The following CHD9 variants were observed in gnomAD, a reference collection of about 807,000 sequenced individuals.
The protein encoded by CHD9 is chromodomain helicase DNA binding protein 9.
In CHD9, 77 loss-of-function variants were observed where a neutral mutation model predicts 316.1. The observed-to-expected ratio is 0.24, with a 90% CI of 0.20 to 0.29. The LOEUF is 0.29. CHD9 is among the 10% of genes least tolerant of loss of function. The pLI is 1.00. For synonymous variants in CHD9, 1,129 were observed against 1,158.3 expected, an observed-to-expected ratio of 0.97 and a Z score of 0.51; for missense variants, 2,763 against 3,438.1, an observed-to-expected ratio of 0.80 and a Z score of 4.91.
At chr16:53,196,783 G>A (rs1281133731) in intron 2 of CHD9, among the ~76,000 whole-genome samples, 1 of 152,172 alleles carries the variant, frequency 6.6e-6, no homozygotes, top group African/African-American at 2.4e-5. Flanking sequence ...TCTGTAAATT[G>A]TAGGGCAATT....
intron 1 of CHD9, among the ~76,000 whole-genome samples, chr16:53,150,304 G>T (rs1007911438): frequency 6.6e-6 from 1 of 151,230 alleles, no homozygotes; most frequent in Non-Finnish European, 1.5e-5. Flanking sequence ...TTATGTTGCG[G>T]ATTATAATTA....
intron 2 of CHD9, among the ~76,000 whole-genome samples, chr16:53,170,638 A>G (rs2042640840): frequency 6.6e-6 from 1 of 151,316 alleles, no homozygotes; most frequent in Non-Finnish European, 1.5e-5. Flanking sequence ...TTGTGGTTAT[A>G]TGAACAAATT....
chr16:53,101,276 T>TC (rs1178702421), intron 1 of CHD9, among the ~76,000 whole-genome samples: 28 of 148,254 alleles, frequency 1.9e-4, no homozygotes, highest in African/African-American at 5.2e-4. Flanking sequence ...TCCTTTTCTT[T>TC]TTTTTTTTTT....
At chr16:53,210,809 C>T (rs184860694) in intron 3 of CHD9, among the ~76,000 whole-genome samples, 6 of 151,854 alleles carry the variant, frequency 4.0e-5, no homozygotes, top group South Asian at 2.1e-4. Flanking sequence ...TAAATGTAAC[C>T]GCCAAATTAT....
At chr16:53,300,161 G>T (rs1174233281) in intron 30 of CHD9, among the ~76,000 whole-genome samples, 1 of 152,102 alleles carries the variant, frequency 6.6e-6, no homozygotes, top group Non-Finnish European at 1.5e-5. Flanking sequence ...AGACCAGCCT[G>T]GCCAACGTGG....
At position 53,206,371 on chromosome 16, in the gene CHD9, A is replaced by C. The variant is rs1034898980; in HGVS notation, c.1453-3111A>C. ...GAAAGGGCACCGGGAAAAAAAAAAA[A>C]AAACCATCCTAGCCTTATTATTTGG... On this transcript the variant is annotated intron_variant, in intron 2 of 38. Coordinates refer to ENST00000447540, the MANE Select transcript of CHD9 (RefSeq NM_001308319.2). 9.2e-5 allele frequency among the ~76,000 whole-genome samples: 13 copies of C among 140,762 alleles called. No individual in the cohort carries two copies. The South Asian group carries it at 1.3e-3, about 15-fold the overall frequency. The allele number at this position is 140,762 out of a possible 152,430, so 92.3% of individuals were successfully genotyped here. A position where few individuals can be genotyped will look rare whatever the true frequency, so the allele number is the denominator to read the frequency against.
chr16:53,304,476 C>G lies in CHD9; in HGVS notation c.6470C>G (p.Ser2157Cys). 1 of 1,561,432 alleles carries G rather than the reference C, an allele frequency of 6.4e-7. No homozygotes were observed. Reference protein sequence around the residue: ...SSSSSSSSSCSHSRSGSSSSS... With the variant: ...SSSSSSSSSCCHSRSGSSSSS... ...TCTTCCTCATCATCCTCTTCTTGCTCCCACTCTCGATCAGGCTCTAGTTCT... is the reference window on the plus strand; with the variant it reads ...TCTTCCTCATCATCCTCTTCTTGCTGCCACTCTCGATCAGGCTCTAGTTCT... The change falls in exon 31 of 39, where the codon TCC (serine) becomes TGC (cysteine). Residue 2157 changes from serine (S) to cysteine (C), a missense_variant. Coordinates refer to ENST00000447540, the MANE Select transcript of CHD9 (RefSeq NM_001308319.2).
At chr16:53,145,961 G>T (rs116440423) in intron 1 of CHD9, among the ~76,000 whole-genome samples, 1 of 151,938 alleles carries the variant, frequency 6.6e-6, no homozygotes, top group Non-Finnish European at 1.5e-5. Flanking sequence ...GAAACAGACC[G>T]GTCACAAAAA....
chr16:53,195,512 A>C (rs759824175), intron 2 of CHD9, among the ~76,000 whole-genome samples: 1 of 152,200 alleles, frequency 6.6e-6, no homozygotes, highest in African/African-American at 2.4e-5. Flanking sequence ...CAAGGTGTCA[A>C]CTTGGGCTGC....
chr16:53,232,925 T>C (rs1340541773), intron 10 of CHD9, among the ~76,000 whole-genome samples: 1 of 152,206 alleles, frequency 6.6e-6, no homozygotes, highest in Non-Finnish European at 1.5e-5. Flanking sequence ...AAAAGCTTTC[T>C]TGAACTGTGT....
intron 1 of CHD9, among the ~76,000 whole-genome samples, chr16:53,056,724 G>A (rs2032170777): frequency 6.6e-6 from 1 of 152,194 alleles, no homozygotes; most frequent in Non-Finnish European, 1.5e-5. Context: ...TCGCTCATTG[G>A]AAATACATTT....
chr16:53,101,273 C>CTTTTTTTTTTTT, intron 1 of CHD9, among the ~76,000 whole-genome samples: 1 of 124,856 alleles, frequency 8.0e-6, no homozygotes, highest in Non-Finnish European at 1.7e-5. Context: ...TTTTCCTTTT[C>CTTTTTTTTTTTT]TTTTTTTTTT....
intron 2 of CHD9, among the ~76,000 whole-genome samples, chr16:53,198,133 G>C (rs1423736538): frequency 6.6e-6 from 1 of 152,026 alleles, no homozygotes; most frequent in East Asian, 1.9e-4. Flanking sequence ...TATGAACAGA[G>C]TGTTTGGGAG....
chr16:53,107,558 C>CT (rs1354935045), intron 1 of CHD9, among the ~76,000 whole-genome samples: 3 of 150,824 alleles, frequency 2.0e-5, no homozygotes, highest in Admixed American at 1.3e-4. Context: ...TGGCACATGC[C>CT]TGTAGTTCCA....
Position 53,245,414 on chromosome 16 carries a change from C to T in CHD9, c.3133C>T (p.Pro1045Ser). 6.2e-7 allele frequency: 1 copy of T among 1,604,910 alleles called. No homozygotes were observed. The highest frequency in any genetic ancestry group is 1.3e-5 in the African/African-American group (1 of 74,778). ...ATTTAGTCTTCTTCACTTTCTTGAA[C>T]CCTTAAGGTTTCCTTCTGAATCAAC... Reference protein sequence around the residue: ...ELFSLLHFLEPLRFPSESTFM... With the variant: ...ELFSLLHFLESLRFPSESTFM... Residue 1045 changes from proline to serine, a missense_variant, in exon 14 of 39, where the codon CCC (proline) becomes TCC (serine). Physicochemically the swap from Pro to Ser is moderately conservative, Grantham distance 74. Around this residue, in one of 15 missense-constraint regions of CHD9, gnomAD observed 155 missense variants for 291.8 expected, o/e 0.53. Transcript: ENST00000447540. The surrounding 1 kb of genome is among the most constrained non-coding windows in gnomAD (Gnocchi z 4.1).
At chr16:53,294,239 T>C (rs2054595291) in intron 29 of CHD9, among the ~76,000 whole-genome samples, 1 of 152,230 alleles carries the variant, frequency 6.6e-6, no homozygotes, top group African/African-American at 2.4e-5. Context: ...CCTGACTTCC[T>C]TGTTACCCGG....
intron 1 of CHD9, among the ~76,000 whole-genome samples, chr16:53,108,954 T>C (rs954045881): frequency 9.9e-5 from 15 of 152,028 alleles, no homozygotes; most frequent in Admixed American, 6.6e-4. Flanking sequence ...ATCTGATACT[T>C]TGGTAAGTTT....
intron 1 of CHD9, among the ~76,000 whole-genome samples, chr16:53,085,002 C>T (rs1471215169): frequency 6.6e-6 from 1 of 152,194 alleles, no homozygotes; most frequent in Non-Finnish European, 1.5e-5. Flanking sequence ...TGGCTCATAA[C>T]ATCGTCTTTT....
At chr16:53,297,630 A>C (rs138258568) in intron 30 of CHD9, among the ~76,000 whole-genome samples, 200 of 152,320 alleles carry the variant, frequency 1.3e-3, no homozygotes, top group African/African-American at 4.6e-3. Context: ...CATTGATGCA[A>C]CTCAACTAAG....
Sources: gnomAD v4.1 joint callset for allele counts (sites outside exome capture counted in the v4.1 genomes callset) on GRCh38, gnomAD v4.1.1 for gene constraint, gnomAD v4.1.1 regional missense constraint, Gnocchi (gnomAD v3.1) non-coding constraint, MANE v1.5 for transcripts, NCBI Gene and HGNC (gene_info 2026-07-23, HGNC 2026-07-21) for gene names.